The following RORA variants were observed in gnomAD, a reference collection of about 807,000 sequenced individuals.
The protein encoded by RORA is nuclear receptor ROR-alpha.
Under a neutral mutation model 69.5 loss-of-function variants are expected in RORA, and 7 were observed. The observed-to-expected ratio is 0.10, with a 90% CI of 0.06 to 0.19. The LOEUF (loss-of-function observed/expected upper bound fraction) is 0.19, where lower values mean the gene tolerates loss of function less well. RORA is among the 10% of genes least tolerant of loss of function. The pLI is 1.00. For missense variants in RORA, 457 were observed against 663.0 expected (o/e 0.69, Z 3.41); for synonymous variants, 261 against 240.8 (o/e 1.08, Z -0.78).
rs118138621 is a variant in RORA, at chr15:60,702,069, G to T, written c.167-23383C>A. On this transcript the variant is annotated intron_variant, in intron 1 of 10. Transcript: ENST00000335670. ...AGAGAGGTAGTTTAGGATTATAGCT[G>T]AGAGCACAGGCAGATGATGGAGTTT... 5.6e-3 allele frequency among the ~76,000 whole-genome samples: 848 copies of T among 152,302 alleles called. 20 individuals are homozygous for T. In the East Asian group the frequency reaches 0.076, roughly 14 times the overall value.
At chr15:61,179,337 C>T (rs904153483) in intron 1 of RORA, among the ~76,000 whole-genome samples, 1 of 152,148 alleles carries the variant, frequency 6.6e-6, no homozygotes, top group Non-Finnish European at 1.5e-5. Flanking sequence ...AATGCAGAAG[C>T]AGAGCTGGGA....
intron 2 of RORA, among the ~76,000 whole-genome samples, chr15:60,646,039 C>T (rs899202700): frequency 6.6e-6 from 1 of 152,156 alleles, no homozygotes; most frequent in Non-Finnish European, 1.5e-5. Context: ...TTCTCAGACA[C>T]CCTGGCAAAG....
intron 2 of RORA, among the ~76,000 whole-genome samples, chr15:60,611,272 G>A (rs1259740386): frequency 1.3e-5 from 2 of 151,964 alleles, no homozygotes; most frequent in East Asian, 3.9e-4. Flanking sequence ...AGCAGGAGTG[G>A]CTAGACCCTT....
intron 2 of RORA, among the ~76,000 whole-genome samples, chr15:60,639,022 C>T (rs1057236282): frequency 6.6e-6 from 1 of 152,094 alleles, no homozygotes; most frequent in Non-Finnish European, 1.5e-5. Flanking sequence ...CTGCGTTAGT[C>T]TGGCTTGAGA....
chr15:60,725,772 G>T (rs189872789), intron 1 of RORA, among the ~76,000 whole-genome samples: 161 of 152,248 alleles, frequency 1.1e-3, no homozygotes, highest in Non-Finnish European at 1.9e-3. Flanking sequence ...TGGTGCTTCA[G>T]TAAAGGCCAT....
intron 1 of RORA, among the ~76,000 whole-genome samples, chr15:61,228,567 C>A (rs994224471): frequency 1.4e-5 from 2 of 147,688 alleles, no homozygotes; most frequent in Non-Finnish European, 3.0e-5. Context: ...CGAAAACACA[C>A]CCCCGACTCG....
chr15:60,562,868 T>C (rs1595981193), intron 2 of RORA, among the ~76,000 whole-genome samples: 1 of 152,166 alleles, frequency 6.6e-6, no homozygotes, highest in Non-Finnish European at 1.5e-5. Flanking sequence ...TGAGCCACCA[T>C]GCCTGGCCAA....
chr15:60,628,715 C>T (rs1198487427), intron 2 of RORA, among the ~76,000 whole-genome samples: 1 of 152,136 alleles, frequency 6.6e-6, no homozygotes, highest in Non-Finnish European at 1.5e-5. Flanking sequence ...TAAATAGAAG[C>T]CTGACTGATG....
chr15:61,141,508 G>GA (rs1295398213), intron 1 of RORA, among the ~76,000 whole-genome samples: 2 of 151,952 alleles, frequency 1.3e-5, no homozygotes, highest in African/African-American at 4.8e-5. Flanking sequence ...CATGAGAAAG[G>GA]AAAAAAGAAA....
At chr15:60,752,095 A>G (rs1161684157) in intron 1 of RORA, among the ~76,000 whole-genome samples, 1 of 152,126 alleles carries the variant, frequency 6.6e-6, no homozygotes, top group Non-Finnish European at 1.5e-5. Flanking sequence ...TTGCTAAAAA[A>G]AAAATGGGGA....
At position 61,033,396 on chromosome 15, in the gene RORA, T is replaced by C. The variant is rs565852854; in HGVS notation, c.166+195657A>G. ...GCAAAACTCAAGAGCCCCAAATTTA[T>C]AGCTTTATTCTGAAAAAAAAAACAA... On this transcript the variant is annotated intron_variant, in intron 1 of 10. Coordinates refer to ENST00000335670, the MANE Select transcript of RORA (RefSeq NM_134261.3). Among the ~76,000 whole-genome samples the C allele has an allele frequency of 2.1e-4, 12 of 57,586 alleles. No individual in the cohort carries two copies. The East Asian group carries it at 2.8e-3, about 13-fold the overall frequency. The allele number at this position is 57,586 out of a possible 152,430, so 37.8% of individuals were successfully genotyped here.
At chr15:61,056,940 C>T (rs1000667418) in intron 1 of RORA, among the ~76,000 whole-genome samples, 4 of 152,222 alleles carry the variant, frequency 2.6e-5, no homozygotes, top group African/African-American at 9.7e-5. Context: ...CTTTTGTCAG[C>T]TGTACCATGA....
intron 1 of RORA, among the ~76,000 whole-genome samples, chr15:60,806,160 T>C (rs2072657330): frequency 6.6e-6 from 1 of 152,044 alleles, no homozygotes; most frequent in Non-Finnish European, 1.5e-5. Flanking sequence ...GGAGAATAAC[T>C]CCCTGCTTTT....
chr15:60,984,419 T>C (rs1412911620), intron 1 of RORA, among the ~76,000 whole-genome samples: 1 of 150,916 alleles, frequency 6.6e-6, no homozygotes, highest in Non-Finnish European at 1.5e-5. Context: ...ATTTTAATTA[T>C]TTAATATTAG....
intron 1 of RORA, among the ~76,000 whole-genome samples, chr15:60,832,718 G>C (rs1306143737): frequency 1.3e-5 from 2 of 152,108 alleles, no homozygotes; most frequent in East Asian, 3.8e-4. Flanking sequence ...TATGCCAGAG[G>C]AAAAGTGTCA....
rs185294472 is a variant in RORA at position 61,215,948 on chromosome 15, C to A, written c.166+13105G>T. Among the ~76,000 whole-genome samples, 25 of 152,310 alleles carry A rather than the reference C, an allele frequency of 1.6e-4. No homozygotes were observed. The East Asian group carries it at 2.9e-3, about 18-fold the overall frequency. ...TTTCATTACTACCGCATATTAGAAT[C>A]GGCTTCCAACATGTTTGAGTGAAGA... On this transcript the variant is annotated intron_variant, in intron 1 of 10. Coordinates refer to ENST00000335670, the MANE Select transcript of RORA (RefSeq NM_134261.3).
chr15:60,841,216 G>A, intron 1 of RORA: 2 of 327,128 alleles, frequency 6.1e-6, no homozygotes, highest in Non-Finnish European at 8.8e-6. Context: ...TTCTCAGGTG[G>A]CTGTGAACCC....
chr15:60,594,591 G>A (rs1291703809), intron 2 of RORA, among the ~76,000 whole-genome samples: 2 of 152,218 alleles, frequency 1.3e-5, no homozygotes, highest in Non-Finnish European at 2.9e-5. Context: ...CGTGCCTTGT[G>A]AGACATCTGA....
At chr15:61,013,231 C>T (rs1471071131) in intron 1 of RORA, among the ~76,000 whole-genome samples, 3 of 152,170 alleles carry the variant, frequency 2.0e-5, no homozygotes, top group African/African-American at 7.2e-5. Context: ...GCTTGAGAAC[C>T]AAATCCAGCT....
Sources: allele counts gnomAD v4.1 joint callset (sites outside exome capture counted in the v4.1 genomes callset), GRCh38; gene constraint gnomAD v4.1.1; transcripts MANE v1.5; gene names NCBI Gene and HGNC (gene_info 2026-07-23, HGNC 2026-07-21).